Variants in TRPM3 observed in about 807,000 individuals in gnomAD.
TRPM3 encodes transient receptor potential cation channel subfamily M member 3, also known as long transient receptor potential channel 3.
TRPM3 carries 77 observed loss-of-function variants against 181.2 expected under a neutral mutation model. That is an observed-to-expected ratio of 0.42 (90% CI 0.35 to 0.51). The LOEUF (loss-of-function observed/expected upper bound fraction) is 0.51. TRPM3 is among the 20% of genes least tolerant of loss of function. TRPM3 has a pLI of 0.01. For missense variants in TRPM3, 1,759 were observed against 2,196.7 expected (o/e 0.80, Z 3.98); for synonymous variants, 745 against 796.4 (o/e 0.94, Z 1.09).
intron 1 of TRPM3, among the ~76,000 whole-genome samples, chr9:71,160,097 C>T (rs1258169175): frequency 6.6e-6 from 1 of 152,140 alleles, no homozygotes; most frequent in Non-Finnish European, 1.5e-5. Context: ...TCTAGTTATA[C>T]TGGCCTCCAT....
intron 12 of TRPM3, among the ~76,000 whole-genome samples, chr9:70,629,215 C>CGGGGGGGG (rs550040624): frequency 7.9e-4 from 8 of 10,166 alleles, no homozygotes; most frequent in Admixed American, 4.7e-3. Flanking sequence ...TGACCAGTGC[C>CGGGGGGGG]GGGGGGGGGG....
chr9:71,273,076 T>C (rs542279258), intron 1 of TRPM3, among the ~76,000 whole-genome samples: 4 of 152,250 alleles, frequency 2.6e-5, no homozygotes, highest in African/African-American at 7.2e-5. Context: ...GATTTCACCA[T>C]GTTGCCCAGG....
chr9:71,399,275 C>T (rs1467999644), intron 1 of TRPM3, among the ~76,000 whole-genome samples: 1 of 152,036 alleles, frequency 6.6e-6, no homozygotes, highest in African/African-American at 2.4e-5. Flanking sequence ...CCAGCACATG[C>T]CAAAGAATGT....
intron 1 of TRPM3, among the ~76,000 whole-genome samples, chr9:71,426,759 G>A (rs1390490615): frequency 6.6e-6 from 1 of 151,838 alleles, no homozygotes; most frequent in Non-Finnish European, 1.5e-5. Flanking sequence ...AAGAATTTAG[G>A]ATCTAAGAAC....
At chr9:70,551,117 A>G (rs1016754999) in intron 24 of TRPM3, among the ~76,000 whole-genome samples, 2 of 152,232 alleles carry the variant, frequency 1.3e-5, no homozygotes, top group African/African-American at 4.8e-5. Context: ...ACAAAAATAA[A>G]ATACTATTTT....
chr9:70,875,973 A>G (rs2095862623), intron 1 of TRPM3, among the ~76,000 whole-genome samples: 1 of 151,906 alleles, frequency 6.6e-6, no homozygotes, highest in African/African-American at 2.4e-5. Flanking sequence ...TAGGTAGAAA[A>G]TAAATCCATC....
At chr9:70,745,588 T>C (rs4410969) in intron 8 of TRPM3, among the ~76,000 whole-genome samples, 5,431 of 152,280 alleles carry the variant, frequency 0.036, 347 homozygotes, top group African/African-American at 0.12. Flanking sequence ...CCAAACATTA[T>C]GTTGGAGAAA....
At chr9:70,553,137 C>A (rs17055297) in intron 23 of TRPM3, 23 bp downstream of exon 23, 1 of 1,614,084 alleles carries the variant, frequency 6.2e-7, no homozygotes, top group African/African-American at 1.3e-5. Flanking sequence ...ATCCATCCCA[C>A]GTGCTCCAAA....
intron 10 of TRPM3, among the ~76,000 whole-genome samples, chr9:70,640,093 T>C (rs755132517): frequency 6.6e-6 from 1 of 152,166 alleles, no homozygotes; most frequent in Non-Finnish European, 1.5e-5. Context: ...TGTTGTTCTT[T>C]GCAAATAGGG....
intron 1 of TRPM3, among the ~76,000 whole-genome samples, chr9:71,073,344 A>C (rs536079039): frequency 2.0e-5 from 3 of 152,350 alleles, no homozygotes; most frequent in South Asian, 4.1e-4. Context: ...TATCAAGGCC[A>C]AAAGGAAAGT....
chr9:71,132,430 G>C (rs1287186368), intron 1 of TRPM3, among the ~76,000 whole-genome samples: 2 of 152,184 alleles, frequency 1.3e-5, no homozygotes, highest in African/African-American at 4.8e-5. Context: ...AGACAAAAGT[G>C]ACAGAAAGCA....
At chr9:71,416,841 G>A (rs1188257196) in intron 1 of TRPM3, among the ~76,000 whole-genome samples, 3 of 151,856 alleles carry the variant, frequency 2.0e-5, no homozygotes, top group Non-Finnish European at 4.4e-5. Flanking sequence ...CCCAATTTAA[G>A]GGGAGCCCTA....
chr9:71,303,422 T>C (rs2086963755), intron 1 of TRPM3, among the ~76,000 whole-genome samples: 1 of 152,216 alleles, frequency 6.6e-6, no homozygotes, highest in African/African-American at 2.4e-5. Flanking sequence ...TGTTGACTTT[T>C]GAACACTGGT....
At chr9:71,440,633 T>C (rs2094123844) in intron 1 of TRPM3, among the ~76,000 whole-genome samples, 1 of 152,246 alleles carries the variant, frequency 6.6e-6, no homozygotes, top group Non-Finnish European at 1.5e-5. Flanking sequence ...AGACTTTGTA[T>C]ATCTCTGTGT....
At chr9:70,571,490 G>A (rs185589806) in intron 22 of TRPM3, among the ~76,000 whole-genome samples, 2 of 152,004 alleles carry the variant, frequency 1.3e-5, no homozygotes, top group East Asian at 1.9e-4. Context: ...GTCCAACCCC[G>A]CGTCTCAAAT....
chr9:70,752,716 C>T lies in TRPM3; in HGVS notation c.1272+8885G>A, dbSNP rs192150241. Among the ~76,000 whole-genome samples, 45 of 152,164 alleles carry T rather than the reference C, an allele frequency of 3.0e-4. No homozygotes were observed. In the East Asian group the frequency reaches 7.2e-3, roughly 24 times the overall value. ...TTGTGTTACAGTTGCCTACAGTATT[C>T]AGAACTGTAATATGCCATTCAAATT... On this transcript the variant is annotated intron_variant, in intron 8 of 25. Transcript: ENST00000677713.
At chr9:71,261,318 T>C (rs1383507532) in intron 1 of TRPM3, among the ~76,000 whole-genome samples, 2 of 152,234 alleles carry the variant, frequency 1.3e-5, no homozygotes, top group African/African-American at 2.4e-5. Context: ...TTGTGTATGC[T>C]TCACGAAGTT....
chr9:70,835,095 T>C (rs1235229044), intron 5 of TRPM3, among the ~76,000 whole-genome samples: 12 of 152,078 alleles, frequency 7.9e-5, no homozygotes, highest in Admixed American at 7.2e-4. Flanking sequence ...TTGCTCCCTC[T>C]CTCGTTATGT....
In TRPM3 at chr9:71,013,676, C is replaced by A. The variant is rs76060388; in HGVS notation, c.177+107502G>T. 7.2e-5 allele frequency among the ~76,000 whole-genome samples: 11 copies of A among 152,062 alleles called. No individual in the cohort carries two copies. In the East Asian group the frequency reaches 2.1e-3, roughly 29 times the overall value. The stretch of plus-strand genomic sequence containing the variant: ...AATCATATTATCCTAAGAAATTACC[C>A]ATTTCAGTTAGATTTTAAAGTTTAT... On this transcript the variant is annotated intron_variant, in intron 1 of 25. Transcript: ENST00000677713.
Sources: gnomAD v4.1 joint callset for allele counts (sites outside exome capture counted in the v4.1 genomes callset) on GRCh38, gnomAD v4.1.1 for gene constraint, MANE v1.5 for transcripts, NCBI Gene and HGNC (gene_info 2026-07-23, HGNC 2026-07-21) for gene names.